The following CADM1 variants were observed in gnomAD, a reference collection of about 807,000 sequenced individuals.
CADM1 encodes the protein cell adhesion molecule 1.
A neutral mutation model predicts 53.1 loss-of-function variants in CADM1; 15 were observed. The observed-to-expected ratio is 0.28, with a 90% CI of 0.19 to 0.44. CADM1 has a LOEUF of 0.44. Ranked by LOEUF, CADM1 falls within the 20% of genes least tolerant of loss-of-function variation. The pLI is 1.00. For synonymous variants in CADM1, 281 were observed against 243.0 expected (o/e 1.16, Z -1.45); for missense variants, 434 against 611.3 (o/e 0.71, Z 3.06).
chr11:115,368,203 G>T (rs4451766), intron 1 of CADM1, among the ~76,000 whole-genome samples: 147,210 of 147,338 alleles, frequency 1, 73,542 homozygotes, highest in Middle Eastern at 1. Flanking sequence ...TTAAAATTCA[G>T]GTGTGGCACG....
At chr11:115,243,342 A>C (rs1591637330) in intron 1 of CADM1, among the ~76,000 whole-genome samples, 1 of 152,340 alleles carries the variant, frequency 6.6e-6, no homozygotes, top group South Asian at 2.1e-4. Context: ...TATAATACTA[A>C]TGCTAAAAAA....
chr11:115,395,637 G>A lies in CADM1; in HGVS notation c.124+108634C>T, dbSNP rs144050261. 5.8e-3 allele frequency among the ~76,000 whole-genome samples: 878 copies of A among 152,196 alleles called. 4 individuals carry two copies. The highest frequency in any genetic ancestry group is 0.034 in the Middle Eastern group (10 of 292). ...TACCACAGCTTTCTAGTGACAAATC[G>A]CCAGCAATCGGAGATGTTTGAAATG... On this transcript the variant is annotated intron_variant, in intron 1 of 11. Transcript: ENST00000331581.
intron 1 of CADM1, among the ~76,000 whole-genome samples, chr11:115,416,066 T>C (rs916298747): frequency 6.6e-6 from 1 of 152,196 alleles, no homozygotes; most frequent in African/African-American, 2.4e-5. Flanking sequence ...TTCATTATTA[T>C]CTACTGTACC....
chr11:115,448,971 C>G (rs920916530), intron 1 of CADM1, among the ~76,000 whole-genome samples: 1 of 152,138 alleles, frequency 6.6e-6, no homozygotes, highest in Admixed American at 6.5e-5. Flanking sequence ...AATCCCATGT[C>G]ATCTGTATTT....
At chr11:115,182,192 C>T (rs981512377) in intron 10 of CADM1, among the ~76,000 whole-genome samples, 7 of 152,126 alleles carry the variant, frequency 4.6e-5, no homozygotes, top group Non-Finnish European at 8.8e-5. Context: ...GGGCAGGCAA[C>T]GAAACCAGAG....
At chr11:115,330,685 G>C (rs904417041) in intron 1 of CADM1, among the ~76,000 whole-genome samples, 4 of 152,164 alleles carry the variant, frequency 2.6e-5, no homozygotes, top group African/African-American at 9.7e-5. Context: ...CAGTCTAATG[G>C]AGGAGACAAG....
chr11:115,415,737 G>A (rs947970382), intron 1 of CADM1, among the ~76,000 whole-genome samples: 31 of 148,048 alleles, frequency 2.1e-4, no homozygotes, highest in African/African-American at 7.8e-4. Flanking sequence ...TCAAGGGGCT[G>A]AGGCAGGAGA....
chr11:115,409,459 A>C lies in CADM1; in HGVS notation c.124+94812T>G, dbSNP rs1947403474. The stretch of plus-strand genomic sequence containing the variant: ...TTCATTGTTAAATATTAGCATACCA[A>C]AGAAAGGAATGTTGAGAAACAATCT... On this transcript the variant is annotated intron_variant, in intron 1 of 11. Coordinates refer to ENST00000331581, the MANE Select transcript of CADM1 (RefSeq NM_001301043.2). 1.3e-5 allele frequency among the ~76,000 whole-genome samples: 2 copies of C among 152,118 alleles called. 1 individual carries two copies. The highest frequency in any genetic ancestry group is 1.3e-4 in the Admixed American group (2 of 15,264).
chr11:115,422,047 T>A (rs1947770729), intron 1 of CADM1, among the ~76,000 whole-genome samples: 1 of 152,166 alleles, frequency 6.6e-6, no homozygotes, highest in Non-Finnish European at 1.5e-5. Context: ...TGTCATCAGG[T>A]CCCCAGAAAA....
At chr11:115,224,732 G>C (rs1414194010) in intron 5 of CADM1, among the ~76,000 whole-genome samples, 2 of 152,214 alleles carry the variant, frequency 1.3e-5, no homozygotes, top group South Asian at 4.1e-4. Context: ...AGCTTATGTC[G>C]CTATGTGTTG....
chr11:115,192,770 G>C (rs942211730), intron 9 of CADM1, among the ~76,000 whole-genome samples: 1 of 152,106 alleles, frequency 6.6e-6, no homozygotes, highest in African/African-American at 2.4e-5. Flanking sequence ...AGACAAATAT[G>C]TTTATGAAAT....
intron 1 of CADM1, among the ~76,000 whole-genome samples, chr11:115,352,805 T>A (rs1304609065): frequency 6.6e-6 from 1 of 152,104 alleles, no homozygotes; most frequent in Non-Finnish European, 1.5e-5. Flanking sequence ...GCAGTCGAGG[T>A]AAGACAGAGG....
In CADM1 at chr11:115,412,629, T is replaced by C. The variant is rs151335771; in HGVS notation, c.124+91642A>G. Among the ~76,000 whole-genome samples the C allele has an allele frequency of 2.1e-3, 313 of 152,356 alleles. 1 individual carries two copies. Among genetic ancestry groups the C allele is most frequent in the African/African-American group, 7.2e-3 (299 of 41,588 alleles). ...TTTTAGCAGTAAGACTGTACTTCTCTCTTTCCCTGAGAGATAATAATCCAC... is the reference window on the plus strand; with the variant it reads ...TTTTAGCAGTAAGACTGTACTTCTCCCTTTCCCTGAGAGATAATAATCCAC... On this transcript the variant is annotated intron_variant, in intron 1 of 11. Coordinates refer to ENST00000331581, the MANE Select transcript of CADM1 (RefSeq NM_001301043.2).
In CADM1 at chr11:115,440,829, C is replaced by T. The variant is rs73578872; in HGVS notation, c.124+63442G>A. The stretch of plus-strand genomic sequence containing the variant: ...GGTCTCACTCCATTGCCCACGCTAG[C>T]GTACACTGGCATGAACGTGAGTCAC... On this transcript the variant is annotated intron_variant, in intron 1 of 11. Transcript: ENST00000331581. 2.6e-3 allele frequency among the ~76,000 whole-genome samples: 392 copies of T among 152,216 alleles called. 1 individual carries two copies. The highest frequency in any genetic ancestry group is 9.2e-3 in the African/African-American group (381 of 41,534).
chr11:115,252,640 G>A (rs1346996459), intron 1 of CADM1, among the ~76,000 whole-genome samples: 1 of 152,200 alleles, frequency 6.6e-6, no homozygotes, highest in East Asian at 1.9e-4. Flanking sequence ...CTCCCTTTCT[G>A]TATAAGCCCA....
chr11:115,298,315 A>G (rs1439349468), intron 1 of CADM1, among the ~76,000 whole-genome samples: 1 of 152,236 alleles, frequency 6.6e-6, no homozygotes, highest in Non-Finnish European at 1.5e-5. Flanking sequence ...TGTGATTCAC[A>G]GTAGCATCAT....
chr11:115,426,890 T>C (rs1268743962), intron 1 of CADM1, among the ~76,000 whole-genome samples: 20 of 152,164 alleles, frequency 1.3e-4, no homozygotes, highest in Admixed American at 1.3e-3. Flanking sequence ...CAGGTTGCTG[T>C]GTTTCCTGGC....
chr11:115,307,422 T>G (rs1173885608), intron 1 of CADM1, among the ~76,000 whole-genome samples: 1 of 151,594 alleles, frequency 6.6e-6, no homozygotes, highest in Non-Finnish European at 1.5e-5. Flanking sequence ...CCCTGTTTCC[T>G]ATGAGACAAG....
intron 8 of CADM1, among the ~76,000 whole-genome samples, chr11:115,208,224 A>G (rs536901137): frequency 1.3e-5 from 2 of 152,338 alleles, no homozygotes; most frequent in African/African-American, 4.8e-5. Context: ...AAGATTTTAA[A>G]TTAAGTGCTG....
Sources: allele counts gnomAD v4.1 joint callset (sites outside exome capture counted in the v4.1 genomes callset), GRCh38; gene constraint gnomAD v4.1.1; transcripts MANE v1.5; gene names NCBI Gene and HGNC (gene_info 2026-07-23, HGNC 2026-07-21).